Variants in CDH18 observed in about 807,000 individuals in gnomAD.
CDH18 encodes the protein cadherin-18.
A neutral mutation model predicts 67.9 loss-of-function variants in CDH18; 31 were observed. The observed-to-expected ratio is 0.46, with a 90% CI of 0.34 to 0.62. CDH18 has a LOEUF of 0.62. CDH18 is among the 20% of genes least tolerant of loss of function. CDH18 has a pLI of 0.01. For missense variants in CDH18, 890 were observed against 975.5 expected (o/e 0.91, Z 1.17); for synonymous variants, 362 against 347.2 (o/e 1.04, Z -0.48).
At chr5:20,530,619 C>A (rs1182695464) in intron 1 of CDH18, among the ~76,000 whole-genome samples, 1 of 151,852 alleles carries the variant, frequency 6.6e-6, no homozygotes, top group Non-Finnish European at 1.5e-5. Context: ...ACAAACCTGA[C>A]AAAACAAGCA....
At chr5:20,346,902 T>A (rs900458182) in intron 1 of CDH18, among the ~76,000 whole-genome samples, 1 of 152,186 alleles carries the variant, frequency 6.6e-6, no homozygotes, top group Non-Finnish European at 1.5e-5. Flanking sequence ...TTAGATTTAC[T>A]TGCCAATCAG....
chr5:19,784,992 G>C (rs1436921609), intron 3 of CDH18, among the ~76,000 whole-genome samples: 1 of 152,018 alleles, frequency 6.6e-6, no homozygotes, highest in African/African-American at 2.4e-5. Flanking sequence ...TGACCTGTAA[G>C]CTTCTGTCCC....
At chr5:19,898,387 T>A (rs1289721008) in intron 2 of CDH18, among the ~76,000 whole-genome samples, 1 of 152,028 alleles carries the variant, frequency 6.6e-6, no homozygotes, top group Non-Finnish European at 1.5e-5. Flanking sequence ...GTCTTCTAAT[T>A]GGTTAATAGT....
intron 3 of CDH18, among the ~76,000 whole-genome samples, chr5:19,785,823 A>T (rs944046540): frequency 2.1e-4 from 31 of 149,298 alleles, no homozygotes; most frequent in Non-Finnish European, 3.6e-4. Flanking sequence ...TATAATACAT[A>T]AAAACACTTA....
chr5:19,747,931 A>C (rs1441697653), intron 3 of CDH18, among the ~76,000 whole-genome samples: 2 of 150,846 alleles, frequency 1.3e-5, no homozygotes, highest in Non-Finnish European at 3.0e-5. Flanking sequence ...ACACGGTGAA[A>C]CTCCGTCTCT....
At chr5:19,584,820 A>AT (rs1416227054) in intron 7 of CDH18, among the ~76,000 whole-genome samples, 1 of 149,602 alleles carries the variant, frequency 6.7e-6, no homozygotes, top group Non-Finnish European at 1.5e-5. Flanking sequence ...AAAGAAAAAA[A>AT]GAAAAAGAAA....
chr5:20,466,784 T>C (rs1751661560), intron 1 of CDH18, among the ~76,000 whole-genome samples: 1 of 152,120 alleles, frequency 6.6e-6, no homozygotes, highest in Non-Finnish European at 1.5e-5. Flanking sequence ...CTTGGCTCAG[T>C]TCTTCCATCA....
At chr5:20,459,031 TACACA>T (rs1452661315) in intron 1 of CDH18, among the ~76,000 whole-genome samples, 2 of 135,906 alleles carry the variant, frequency 1.5e-5, no homozygotes, top group Non-Finnish European at 3.1e-5. Context: ...CCTGAAATGA[TACACA>T]AAACAAAATA....
chr5:20,547,496 G>A (rs1330350349), intron 1 of CDH18, among the ~76,000 whole-genome samples: 4 of 151,888 alleles, frequency 2.6e-5, no homozygotes, highest in Non-Finnish European at 4.4e-5. Context: ...AGGAGGCAGA[G>A]GTTGCAATGA....
At chr5:19,623,399 A>G (rs182969790) in intron 5 of CDH18, among the ~76,000 whole-genome samples, 1 of 152,332 alleles carries the variant, frequency 6.6e-6, no homozygotes, top group Non-Finnish European at 1.5e-5. Context: ...AGATAACTAA[A>G]AACATTTAAA....
intron 1 of CDH18, among the ~76,000 whole-genome samples, chr5:20,303,489 C>G (rs1736120985): frequency 6.6e-6 from 1 of 152,172 alleles, no homozygotes; most frequent in South Asian, 2.1e-4. Flanking sequence ...GATTCGAACG[C>G]TGAGGTGAAC....
At chr5:20,472,317 T>C (rs1288014120) in intron 1 of CDH18, among the ~76,000 whole-genome samples, 1 of 152,232 alleles carries the variant, frequency 6.6e-6, no homozygotes, top group Non-Finnish European at 1.5e-5. Context: ...TAGTTTATTC[T>C]TTTCCAAATG....
intron 1 of CDH18, among the ~76,000 whole-genome samples, chr5:20,314,552 C>A (rs1737288172): frequency 6.6e-6 from 1 of 151,930 alleles, no homozygotes; most frequent in Non-Finnish European, 1.5e-5. Context: ...GGGTATGCAT[C>A]TAGGTTATTG....
intron 5 of CDH18, among the ~76,000 whole-genome samples, chr5:19,687,042 G>A (rs893504163): frequency 1.3e-5 from 2 of 152,120 alleles, no homozygotes; most frequent in Non-Finnish European, 2.9e-5. Flanking sequence ...GAAGTGACAG[G>A]AAGCACCTGA....
intron 3 of CDH18, among the ~76,000 whole-genome samples, chr5:19,774,473 A>AATACTG (rs1774082744): frequency 6.6e-6 from 1 of 151,428 alleles, no homozygotes; most frequent in African/African-American, 2.4e-5. Flanking sequence ...AGTAAGGGGA[A>AATACTG]ATACTGATAT....
intron 5 of CDH18, among the ~76,000 whole-genome samples, chr5:19,702,920 G>A (rs749625961): frequency 1.3e-5 from 2 of 152,170 alleles, no homozygotes; most frequent in South Asian, 2.1e-4. Flanking sequence ...TAGCATGAGC[G>A]ATCTGTGCCT....
At chr5:19,990,850 G>C (rs1001433163), upstream of CDH18, among the ~76,000 whole-genome samples, 1 of 152,218 alleles carries the variant, frequency 6.6e-6, no homozygotes, top group Admixed American at 6.5e-5. Flanking sequence ...GGGAAAGCCA[G>C]GTGGTAGGCA....
intron 2 of CDH18, among the ~76,000 whole-genome samples, chr5:19,932,619 C>A (rs1175969235): frequency 1.3e-5 from 2 of 151,736 alleles, no homozygotes; most frequent in Non-Finnish European, 2.9e-5. Flanking sequence ...CTTCTCCAAT[C>A]TTTGCAGTTC....
chr5:20,040,276 A>G (rs980969191), intron 2 of CDH18, among the ~76,000 whole-genome samples: 8 of 152,120 alleles, frequency 5.3e-5, no homozygotes, highest in African/African-American at 1.9e-4. Flanking sequence ...CCAGAACATA[A>G]AGAATAATAT....
Sources: allele counts gnomAD v4.1 joint callset (sites outside exome capture counted in the v4.1 genomes callset), GRCh38; gene constraint gnomAD v4.1.1; transcripts MANE v1.5; gene names NCBI Gene and HGNC (gene_info 2026-07-23, HGNC 2026-07-21).